The following HPSE2 variants were observed in gnomAD, a reference collection of about 807,000 sequenced individuals.
The protein encoded by HPSE2 is heparanase 2 (inactive), also known as inactive heparanase-2.
A neutral mutation model predicts 60.5 loss-of-function variants in HPSE2; 38 were observed. The observed-to-expected ratio is 0.63, with a 90% CI of 0.48 to 0.82. The LOEUF is 0.82. Among genes scored for constraint, HPSE2 ranks in the 40% least tolerant of loss-of-function variants. HPSE2 has a pLI of 0.00. For missense variants in HPSE2, 713 were observed against 740.4 expected, an observed-to-expected ratio of 0.96 and a Z score of 0.43; for synonymous variants, 295 against 293.2, an observed-to-expected ratio of 1.01 and a Z score of -0.06.
chr10:98,982,086 A>G (rs2135302593), intron 3 of HPSE2, among the ~76,000 whole-genome samples: 1 of 151,842 alleles, frequency 6.6e-6, no homozygotes, highest in East Asian at 1.9e-4. Flanking sequence ...CGTTCAACAT[A>G]CATTTTTAAA....
chr10:98,595,164 A>ATTTTTT (rs34509249), intron 9 of HPSE2, among the ~76,000 whole-genome samples: 5 of 91,688 alleles, frequency 5.5e-5, no homozygotes, highest in African/African-American at 8.0e-5. Context: ...TATAAATGAG[A>ATTTTTT]TTTTTTTTTT....
At chr10:98,945,753 T>C (rs1350640334) in intron 3 of HPSE2, among the ~76,000 whole-genome samples, 1 of 152,194 alleles carries the variant, frequency 6.6e-6, no homozygotes, top group Non-Finnish European at 1.5e-5. Flanking sequence ...TTCTATCTAC[T>C]GCTTTCCTTA....
chr10:98,458,665 G>A lies in HPSE2; in HGVS notation c.*909C>T, dbSNP rs1940150088. 1 of 152,124 alleles carries A rather than the reference G, an allele frequency of 6.6e-6. No homozygotes were observed. Among genetic ancestry groups the A allele is most frequent in the South Asian group, 2.1e-4 (1 of 4,822 alleles). The allele number at this position is 152,124 out of a possible 1,614,324, so 9.4% of individuals were successfully genotyped here. ...AGCCCCTAATATTCTCTTAATTTTG[G>A]AGAGGTCTAATTTGCTTTGTCCAGT... On this transcript the variant is annotated 3_prime_UTR_variant, in exon 12 of 12. Coordinates refer to ENST00000370552, the MANE Select transcript of HPSE2 (RefSeq NM_021828.5).
chr10:99,081,027 C>CTCGT, intron 3 of HPSE2, among the ~76,000 whole-genome samples: 1 of 152,264 alleles, frequency 6.6e-6, no homozygotes, highest in East Asian at 1.9e-4. Flanking sequence ...AACTCCTGAC[C>CTCGT]TCGTGATCCA....
intron 3 of HPSE2, among the ~76,000 whole-genome samples, chr10:98,948,022 G>T (rs1274463528): frequency 6.6e-6 from 1 of 151,990 alleles, no homozygotes; most frequent in Non-Finnish European, 1.5e-5. Context: ...CTAGATCAAG[G>T]GGTCATAAGG....
At chr10:98,677,361 A>G (rs1321094833) in intron 6 of HPSE2, among the ~76,000 whole-genome samples, 1 of 152,240 alleles carries the variant, frequency 6.6e-6, no homozygotes, top group African/African-American at 2.4e-5. Flanking sequence ...AAAGCCTTGC[A>G]ATATCTGTAG....
chr10:99,200,571 A>G (rs1316153780), intron 2 of HPSE2, among the ~76,000 whole-genome samples: 2 of 152,128 alleles, frequency 1.3e-5, no homozygotes, highest in Admixed American at 6.5e-5. Flanking sequence ...AATGGTACCT[A>G]CCTCATAAGA....
At chr10:98,788,499 T>G (rs1437894868) in intron 3 of HPSE2, among the ~76,000 whole-genome samples, 1 of 143,692 alleles carries the variant, frequency 7.0e-6, no homozygotes, top group Non-Finnish European at 1.5e-5. Flanking sequence ...GGCTGCTTTG[T>G]TTACGTAAGC....
chr10:98,925,372 T>G (rs1954423644), intron 3 of HPSE2, among the ~76,000 whole-genome samples: 1 of 151,870 alleles, frequency 6.6e-6, no homozygotes, highest in South Asian at 2.1e-4. Flanking sequence ...GGCTTTTTTT[T>G]TTTTGACACT....
At chr10:98,733,569 T>G (rs17110762) in intron 4 of HPSE2, among the ~76,000 whole-genome samples, 1,822 of 152,330 alleles carry the variant, frequency 0.012, 25 homozygotes, top group African/African-American at 0.041. Context: ...TGGTACTTAC[T>G]GCTGCCTTTA....
chr10:98,754,765 G>T (rs920440991), intron 3 of HPSE2, among the ~76,000 whole-genome samples: 2 of 149,314 alleles, frequency 1.3e-5, no homozygotes, highest in Non-Finnish European at 3.0e-5. Context: ...CTGACTACAG[G>T]TGCCCAATCC....
intron 2 of HPSE2, among the ~76,000 whole-genome samples, chr10:99,204,407 G>A (rs1452926214): frequency 6.6e-6 from 1 of 152,158 alleles, no homozygotes; most frequent in East Asian, 1.9e-4. Context: ...CACTGCTTAA[G>A]GGCTTTCCTA....
At chr10:99,238,240 A>G (rs1849902911), upstream of HPSE2, among the ~76,000 whole-genome samples, 1 of 152,204 alleles carries the variant, frequency 6.6e-6, no homozygotes, top group Non-Finnish European at 1.5e-5. Flanking sequence ...ATGGAAGACA[A>G]TTTGAATACG....
At chr10:98,906,900 C>CT (rs1251585933) in intron 3 of HPSE2, among the ~76,000 whole-genome samples, 2 of 134,986 alleles carry the variant, frequency 1.5e-5, no homozygotes, top group Non-Finnish European at 3.1e-5. Flanking sequence ...GAAACTCTGT[C>CT]TCAAAAAAAA....
At chr10:98,902,468 C>G (rs1194711422) in intron 3 of HPSE2, among the ~76,000 whole-genome samples, 1 of 152,112 alleles carries the variant, frequency 6.6e-6, no homozygotes, top group South Asian at 2.1e-4. Context: ...ATAGCAACCT[C>G]AATACCTAAA....
chr10:99,224,948 G>T (rs778193598), intron 2 of HPSE2, among the ~76,000 whole-genome samples: 2 of 152,006 alleles, frequency 1.3e-5, no homozygotes, highest in African/African-American at 4.8e-5. Context: ...CAGTAGGCAC[G>T]TGGCCACAAT....
chr10:98,939,673 C>T lies in HPSE2; in HGVS notation c.611-195617G>A, dbSNP rs1184207412. ...CCACTGTCAACATTAGACAGATCAA[C>T]GAGACAGAAAGTTAACAAGGATACC... On this transcript the variant is annotated intron_variant, in intron 3 of 11. Coordinates refer to ENST00000370552, the MANE Select transcript of HPSE2 (RefSeq NM_021828.5). 7.7e-5 allele frequency among the ~76,000 whole-genome samples: 11 copies of T among 143,266 alleles called. 1 individual carries two copies. Among genetic ancestry groups the T allele is most frequent in the South Asian group, 6.4e-4 (3 of 4,704 alleles). 94.0% of individuals were successfully genotyped at this position (143,266 alleles called of 152,430 possible).
At chr10:99,107,699 ATGAC>A (rs1162373705) in intron 3 of HPSE2, among the ~76,000 whole-genome samples, 2 of 152,218 alleles carry the variant, frequency 1.3e-5, no homozygotes, top group Admixed American at 6.5e-5. Flanking sequence ...CAGTTAATAA[ATGAC>A]TGACTGATAA....
intron 9 of HPSE2, among the ~76,000 whole-genome samples, chr10:98,545,886 T>C (rs563259130): frequency 1.3e-5 from 2 of 151,506 alleles, no homozygotes; most frequent in Admixed American, 6.6e-5. Context: ...GATGACATGA[T>C]TGTATATCTG....
Sources: allele counts gnomAD v4.1 joint callset (sites outside exome capture counted in the v4.1 genomes callset), GRCh38; gene constraint gnomAD v4.1.1; transcripts MANE v1.5; gene names NCBI Gene and HGNC (gene_info 2026-07-23, HGNC 2026-07-21).